Variants in BEST3 observed in about 807,000 individuals in gnomAD.
BEST3 encodes bestrophin 3.
BEST3 carries 50 observed loss-of-function variants against 47.1 expected under a neutral mutation model. That is an observed-to-expected ratio of 1.06 (90% CI 0.85 to 1.34). The LOEUF is 1.34. Ranked by LOEUF, BEST3 falls within the 40% of genes most tolerant of loss-of-function variation. The pLI is 0.00. For missense variants in BEST3, 765 were observed against 817.0 expected (o/e 0.94, Z 0.78); for synonymous variants, 282 against 298.8 (o/e 0.94, Z 0.58).
intron 3 of BEST3, 97 bp downstream of exon 3, chr12:69,694,273 A>G (rs939061698): frequency 1.3e-6 from 1 of 742,374 alleles, no homozygotes. Context: ...CTTTTCAGGC[A>G]TGCCTCTCAG....
At position 69,693,915 on chromosome 12, in the gene BEST3, A is replaced by AT; in HGVS notation, c.248-9dup. The AT allele has an allele frequency of 1.3e-6, 2 of 1,573,918 alleles. No individual in the cohort carries two copies. Among genetic ancestry groups the AT allele is most frequent in the Non-Finnish European group, 1.7e-6 (2 of 1,152,016 alleles). On this transcript the variant is annotated splice_polypyrimidine_tract_variant and intron_variant, in intron 3 of 9. Transcript: ENST00000330891. ...CCAGAGTAACATAAAACCCTGTAGAATAACAGGAAATTATAAAGCAGTTTC... is the reference window on the plus strand; with the variant it reads ...CCAGAGTAACATAAAACCCTGTAGAATTAACAGGAAATTATAAAGCAGTTTC...
At chr12:69,682,315 GA>G (rs1434783529) in intron 4 of BEST3, among the ~76,000 whole-genome samples, 1 of 152,084 alleles carries the variant, frequency 6.6e-6, no homozygotes, top group African/African-American at 2.4e-5. Flanking sequence ...GTTTATTCAG[GA>G]TTTGAAATAA....
intron 7 of BEST3, among the ~76,000 whole-genome samples, chr12:69,676,710 T>C (rs576475746): frequency 1.3e-5 from 2 of 152,226 alleles, no homozygotes; most frequent in South Asian, 2.1e-4. Flanking sequence ...GTTCTTCTAA[T>C]GTCTTTGCAC....
chr12:69,657,972 T>C (rs1883617048), intron 9 of BEST3, among the ~76,000 whole-genome samples: 1 of 152,162 alleles, frequency 6.6e-6, no homozygotes, highest in African/African-American at 2.4e-5. Flanking sequence ...GTGGCCTTGG[T>C]GACCCTGCTG....
Position 69,697,678 on chromosome 12 carries a change from C to A in BEST3, c.121G>T (p.Val41Phe), listed in dbSNP as rs753085945. The part of the protein sequence containing the change: ...LLYREFIVFA[V>F]LYTAISLVYR... ...ACCAAACTTATTGCTGTATAAAGAA[C>A]AGCAAAAACAATAAATTCCCTGTAC... The change falls in exon 2 of 10, where the codon GTT becomes TTT. Residue 41 changes from valine (V) to phenylalanine (F), a missense_variant. Val to Phe is a conservative substitution (Grantham distance 50, BLOSUM62 -1). Coordinates refer to ENST00000330891, the MANE Select transcript of BEST3 (RefSeq NM_032735.3). 6.2e-7 allele frequency: 1 copy of A among 1,608,216 alleles called. No individual in the cohort carries two copies.
chr12:69,689,964 A>C (rs1394661773), intron 4 of BEST3, among the ~76,000 whole-genome samples: 1 of 152,204 alleles, frequency 6.6e-6, no homozygotes, highest in Non-Finnish European at 1.5e-5. Flanking sequence ...GGGTTTAAAA[A>C]ATAAGCATCC....
At chr12:69,685,818 T>C (rs1178820775) in intron 4 of BEST3, among the ~76,000 whole-genome samples, 4 of 152,168 alleles carry the variant, frequency 2.6e-5, no homozygotes, top group African/African-American at 9.7e-5. Flanking sequence ...TTGAGAAACA[T>C]TGAGTGGATA....
At chr12:69,688,691 T>C (rs2136030292) in intron 4 of BEST3, among the ~76,000 whole-genome samples, 1 of 152,338 alleles carries the variant, frequency 6.6e-6, no homozygotes, top group South Asian at 2.1e-4. Flanking sequence ...GCTTATTTCC[T>C]TCTGGCCAGC....
chr12:69,654,518 A>G lies in BEST3; in HGVS notation c.*389T>C. 1.0e-6 allele frequency: 1 copy of G among 994,148 alleles called. No homozygotes were observed. The highest frequency in any genetic ancestry group is 1.2e-6 in the Non-Finnish European group (1 of 835,954). 61.6% of individuals were successfully genotyped at this position (994,148 alleles called of 1,614,324 possible). A position where few individuals can be genotyped will look rare whatever the true frequency, so the allele number is the denominator to read the frequency against. On this transcript the variant is annotated 3_prime_UTR_variant, in exon 10 of 10. Transcript: ENST00000330891. ...AAAAGAAAGAGAAAAAAGAAGAGAA[A>G]TAGAGAACCCTGCGTGTCTGGGCCT...
At position 69,697,716 on chromosome 12, in the gene BEST3, A is replaced by C. The variant is rs1190327772; in HGVS notation, c.83T>G (p.Ile28Ser). ...HRLLLKWRGS[I>S]YKLLYREFIV... The stretch of plus-strand genomic sequence containing the variant: ...AAATTCCCTGTACAGTAGTTTGTAG[A>C]TGCTGCCTCTCCACTTGAGGAGTAA... Residue 28 changes from isoleucine (I) to serine (S), a missense_variant, in exon 2 of 10, where the codon ATC (isoleucine) becomes AGC (serine). By Grantham distance (142) the Ile-to-Ser change is moderately radical (BLOSUM62 -2). Transcript: ENST00000330891. 6.2e-7 allele frequency: 1 copy of C among 1,613,318 alleles called. No homozygotes were observed. The highest frequency in any genetic ancestry group is 8.5e-7 in the Non-Finnish European group (1 of 1,179,498).
chr12:69,655,204 G>A lies in BEST3; in HGVS notation c.1710C>T (p.Ser570=), dbSNP rs376220817. The change falls in exon 10 of 10, where the codon AGC becomes AGT. Residue 570 remains serine (S), a synonymous_variant. Coordinates refer to ENST00000330891, the MANE Select transcript of BEST3 (RefSeq NM_032735.3). The part of the protein sequence containing the change: ...GGPSPQTVSA[S]AEENIFNCEE... ...CACAGTTGAATATATTTTCCTCAGC[G>A]CTGGCTGAAACTGTCTGGGGACTGG... 6.2e-6 allele frequency: 10 copies of A among 1,613,994 alleles called. No homozygotes were observed. The South Asian group carries it at 6.6e-5, about 11-fold the overall frequency.
intron 9 of BEST3, among the ~76,000 whole-genome samples, chr12:69,659,873 G>A (rs1327379816): frequency 1.3e-5 from 2 of 152,094 alleles, no homozygotes; most frequent in East Asian, 3.9e-4. Context: ...ATGTATTAGG[G>A]AGAGTCAGCT....
intron 4 of BEST3, chr12:69,683,283 T>C (rs1885359378): frequency 6.6e-6 from 1 of 152,248 alleles, no homozygotes; most frequent in Non-Finnish European, 1.5e-5. Context: ...CTGGGTGCTG[T>C]GAAAGATGAA....
intron 4 of BEST3, among the ~76,000 whole-genome samples, chr12:69,682,224 G>C (rs538043437): frequency 3.3e-5 from 5 of 152,296 alleles, no homozygotes; most frequent in South Asian, 4.1e-4. Flanking sequence ...GGTCTAGGCA[G>C]TTGCATATTT....
rs190855464 is a variant in BEST3, at chr12:69,655,310, T to G, written c.1604A>C (p.Gln535Pro). 6.2e-7 allele frequency: 1 copy of G among 1,614,186 alleles called. No individual in the cohort carries two copies. Among genetic ancestry groups the G allele is most frequent in the African/African-American group, 1.3e-5 (1 of 75,040 alleles). ...SILSSEFTGV[Q>P]PSKTEQQQGP... ...CTGCTGCTGCTCAGTCTTGCTTGGC[T>G]GAACCCCTGTAAACTCAGAGCTCAA... Residue 535 changes from glutamine to proline, a missense_variant, in exon 10 of 10, where the codon CAG (glutamine) becomes CCG (proline). Coordinates refer to ENST00000330891, the MANE Select transcript of BEST3 (RefSeq NM_032735.3).
At chr12:69,664,436 C>G (rs1349910433) in intron 9 of BEST3, among the ~76,000 whole-genome samples, 1 of 152,128 alleles carries the variant, frequency 6.6e-6, no homozygotes, top group Admixed American at 6.6e-5. Flanking sequence ...CCTCCCCCCG[C>G]CACCCGGGGC....
At chr12:69,643,678 G>T in exon 10 of BEST3, 1 of 658,792 alleles carries the variant, frequency 1.5e-6, no homozygotes, top group Non-Finnish European at 2.8e-6. Context: ...TGAAAGATTC[G>T]AGTGTTGTAC....
At chr12:69,696,810 T>C (rs1010765244) in intron 2 of BEST3, among the ~76,000 whole-genome samples, 4 of 152,074 alleles carry the variant, frequency 2.6e-5, no homozygotes, top group Non-Finnish European at 5.9e-5. Context: ...ATAGAAAAAA[T>C]GGAAATACAG....
chr12:69,654,969 G>A lies in BEST3; in HGVS notation c.1945C>T (p.Leu649=). 3 of 1,613,928 alleles carry A rather than the reference G, an allele frequency of 1.9e-6. No homozygotes were observed. Among genetic ancestry groups the A allele is most frequent in the Non-Finnish European group, 1.7e-6 (2 of 1,179,990 alleles). ...SSDMLYLMEN[L]DTKETDIIEL... is the part of the protein sequence containing the mutation. ...ATGATATCTGTTTCCTTGGTGTCCA[G>A]GTTTTCCATTAAATACAGCATATCA... The change falls in exon 10 of 10, where the codon CTG becomes TTG. Residue 649 remains leucine (L), a synonymous_variant. Coordinates refer to ENST00000330891, the MANE Select transcript of BEST3 (RefSeq NM_032735.3).
Sources: allele counts gnomAD v4.1 joint callset (sites outside exome capture counted in the v4.1 genomes callset), GRCh38; gene constraint gnomAD v4.1.1; transcripts MANE v1.5; gene names NCBI Gene and HGNC (gene_info 2026-07-23, HGNC 2026-07-21).